Variants in GRM1 observed in about 807,000 individuals in gnomAD.
GRM1 encodes the protein metabotropic glutamate receptor 1.
In GRM1, 33 loss-of-function variants were observed where a neutral mutation model predicts 90.9. The ratio of observed to expected loss-of-function variants is 0.36; its 90% confidence interval spans 0.28 to 0.49. The LOEUF is 0.49. Ranked by LOEUF, GRM1 falls within the 20% of genes least tolerant of loss-of-function variation. The pLI is 0.99. For missense variants in GRM1, 1,190 were observed against 1,534.3 expected (o/e 0.78, Z 3.75); for synonymous variants, 700 against 613.2 (o/e 1.14, Z -2.09).
At chr6:146,258,656 A>G (rs908822969) in intron 2 of GRM1, among the ~76,000 whole-genome samples, 1 of 151,936 alleles carries the variant, frequency 6.6e-6, no homozygotes, top group Non-Finnish European at 1.5e-5. Context: ...AAGTGCTGAG[A>G]TTATAGATGT....
At chr6:146,076,657 C>T (rs1422710348) in intron 1 of GRM1, among the ~76,000 whole-genome samples, 3 of 151,988 alleles carry the variant, frequency 2.0e-5, no homozygotes, top group East Asian at 3.9e-4. Context: ...GATTAGAAGC[C>T]CCATTTAGGT....
intron 1 of GRM1, among the ~76,000 whole-genome samples, chr6:146,119,872 C>G (rs1028068975): frequency 6.6e-6 from 1 of 152,078 alleles, no homozygotes; most frequent in African/African-American, 2.4e-5. Flanking sequence ...AGTCAGGTAG[C>G]GTGATGCCTC....
At chr6:146,028,232 AGTGTGTGTGTGTGTGT>A (rs60190108), upstream of GRM1, among the ~76,000 whole-genome samples, 15 of 130,360 alleles carry the variant, frequency 1.2e-4, no homozygotes, top group East Asian at 7.2e-4. Flanking sequence ...AGTGGAAGGG[AGTGTGTGTGTGTGTGT>A]GTGTGTGTGT....
At chr6:146,122,399 C>A (rs1776024852) in intron 1 of GRM1, among the ~76,000 whole-genome samples, 1 of 152,114 alleles carries the variant, frequency 6.6e-6, no homozygotes, top group African/African-American at 2.4e-5. Flanking sequence ...ACCCCCACTG[C>A]AACATTCCTA....
chr6:146,034,344 C>T (rs1019842001), intron 1 of GRM1, among the ~76,000 whole-genome samples: 5 of 151,748 alleles, frequency 3.3e-5, no homozygotes, highest in Admixed American at 1.3e-4. Context: ...AGTTCCTTCA[C>T]TCATGCATTT....
Position 146,434,649 on chromosome 6 carries a change from G to T in GRM1, c.3438G>T (p.Thr1146=). Residue 1146 remains threonine (T), a synonymous_variant, in exon 8 of 8, where the codon ACG becomes ACT. Transcript: ENST00000282753. ...CCCCGGATGATTCGCCTGCGCTGAC[G>T]CCTCCGTCGCCTTTCCGCGACTCGG... ...KLTPDDSPAL[T]PPSPFRDSVA... 1 of 1,609,618 alleles carries T rather than the reference G, an allele frequency of 6.2e-7. No homozygotes were observed. Among genetic ancestry groups the T allele is most frequent in the South Asian group, 1.1e-5 (1 of 91,086 alleles).
In GRM1 at chr6:146,266,761, A is replaced by G. The variant is rs563493154; in HGVS notation, c.951-37850A>G. 5.9e-5 allele frequency among the ~76,000 whole-genome samples: 9 copies of G among 152,362 alleles called. No homozygotes were observed. The South Asian group carries it at 1.9e-3, about 32-fold the overall frequency. On this transcript the variant is annotated intron_variant, in intron 2 of 7. Coordinates refer to ENST00000282753, the MANE Select transcript of GRM1 (RefSeq NM_001278064.2). The stretch of plus-strand genomic sequence containing the variant: ...GCTAACGAAGGGCTCTGGCTAGAAA[A>G]CAACTCTGCTAGTATCACCACCTTG...
At chr6:146,106,799 C>T (rs2128872342) in intron 1 of GRM1, among the ~76,000 whole-genome samples, 1 of 152,308 alleles carries the variant, frequency 6.6e-6, no homozygotes, top group Admixed American at 6.5e-5. Flanking sequence ...TAAGAACTAA[C>T]AAACACCTTT....
Position 146,310,756 on chromosome 6 carries a change from A to G in GRM1, c.1186+5910A>G, listed in dbSNP as rs139014767. Among the ~76,000 whole-genome samples the G allele has an allele frequency of 4.9e-3, 744 of 152,304 alleles. 7 individuals carry two copies. The highest frequency in any genetic ancestry group is 0.017 in the African/African-American group (693 of 41,570). On this transcript the variant is annotated intron_variant, in intron 3 of 7. Transcript: ENST00000282753. ...TATCTGGTAGAAGATGAGAAATAAC[A>G]TGGATCAGAAACAGGATGACCTCTC...
At chr6:146,098,889 C>A (rs941050155) in intron 1 of GRM1, among the ~76,000 whole-genome samples, 22 of 152,060 alleles carry the variant, frequency 1.4e-4, no homozygotes, top group African/African-American at 5.3e-4. Flanking sequence ...TTCCTGAGGT[C>A]TTCTCAGCCA....
rs149322621 is a variant in GRM1 at position 146,100,970 on chromosome 6, A to C, written c.701-58378A>C. ...TTTTTAAAAAGCTGGGCATGTTGGC[A>C]GGCTGCCAAGTACACAGGGGGCTGA... On this transcript the variant is annotated intron_variant, in intron 1 of 7. Transcript: ENST00000282753. Among the ~76,000 whole-genome samples the C allele has an allele frequency of 7.4e-4, 113 of 152,298 alleles. 1 individual carries two copies. In the East Asian group the frequency reaches 0.017, roughly 23 times the overall value.
At chr6:146,368,615 C>T (rs1179109831) in intron 5 of GRM1, among the ~76,000 whole-genome samples, 1 of 151,972 alleles carries the variant, frequency 6.6e-6, no homozygotes, top group Non-Finnish European at 1.5e-5. Context: ...ACTTTTTCTG[C>T]ATCTATTGAA....
chr6:146,046,298 C>T (rs944674388), intron 1 of GRM1, among the ~76,000 whole-genome samples: 4 of 151,918 alleles, frequency 2.6e-5, no homozygotes, highest in African/African-American at 4.8e-5. Flanking sequence ...TTATAAACAA[C>T]CACTATTACT....
At chr6:146,289,888 A>T (rs1782914218) in intron 2 of GRM1, among the ~76,000 whole-genome samples, 1 of 152,176 alleles carries the variant, frequency 6.6e-6, no homozygotes, top group Non-Finnish European at 1.5e-5. Flanking sequence ...AATGCATTCT[A>T]TGATGTTCAC....
intron 1 of GRM1, among the ~76,000 whole-genome samples, chr6:146,103,519 TTCTC>T (rs1414663439): frequency 6.6e-6 from 1 of 152,220 alleles, no homozygotes; most frequent in Non-Finnish European, 1.5e-5. Flanking sequence ...TCTTCCTTCT[TTCTC>T]TTTCTTTCCA....
At chr6:146,232,844 T>G (rs1288786276) in intron 2 of GRM1, among the ~76,000 whole-genome samples, 1 of 152,110 alleles carries the variant, frequency 6.6e-6, no homozygotes, top group Non-Finnish European at 1.5e-5. Context: ...GTGACACAAT[T>G]CATTCCATAA....
chr6:146,257,575 C>A (rs1234421914), intron 2 of GRM1, among the ~76,000 whole-genome samples: 2 of 151,478 alleles, frequency 1.3e-5, no homozygotes, highest in East Asian at 1.9e-4. Context: ...CATATAATTT[C>A]TTATAAAGAA....
At chr6:146,368,457 A>T (rs1046610763) in intron 5 of GRM1, among the ~76,000 whole-genome samples, 1 of 152,106 alleles carries the variant, frequency 6.6e-6, no homozygotes, top group African/African-American at 2.4e-5. Flanking sequence ...TCCATATCTT[A>T]GAAGAAAAAG....
At chr6:146,392,895 C>T (rs1776783770) in intron 6 of GRM1, among the ~76,000 whole-genome samples, 1 of 152,102 alleles carries the variant, frequency 6.6e-6, no homozygotes, top group African/African-American at 2.4e-5. Flanking sequence ...CATAGTATTC[C>T]ATGGTGTATA....
Sources: gnomAD v4.1 joint callset for allele counts (sites outside exome capture counted in the v4.1 genomes callset) on GRCh38, gnomAD v4.1.1 for gene constraint, MANE v1.5 for transcripts, NCBI Gene and HGNC (gene_info 2026-07-23, HGNC 2026-07-21) for gene names.